Variants in NKAIN2 observed in about 807,000 individuals in gnomAD.
NKAIN2 encodes sodium/potassium transporting ATPase interacting 2, also known as sodium/potassium-transporting ATPase subunit beta-1-interacting protein 2.
In NKAIN2, 14 loss-of-function variants were observed where a neutral mutation model predicts 32.6. The ratio of observed to expected loss-of-function variants is 0.43; its 90% CI spans 0.28 to 0.67. NKAIN2 has a LOEUF of 0.67. NKAIN2 is among the 30% of genes least tolerant of loss of function. The probability of loss-of-function intolerance (pLI) is 0.17; values close to 1 mark genes in which losing one functional copy is unlikely to be tolerated. For missense variants in NKAIN2, 198 were observed against 258.3 expected (o/e 0.77, Z 1.60); for synonymous variants, 80 against 87.2 (o/e 0.92, Z 0.46).
At chr6:124,446,350 TTTG>T (rs1475527531) in intron 3 of NKAIN2, among the ~76,000 whole-genome samples, 1 of 151,944 alleles carries the variant, frequency 6.6e-6, no homozygotes, top group African/African-American at 2.4e-5. Flanking sequence ...TGTTTGTTTG[TTTG>T]TTTGTTTGAG....
chr6:123,831,305 A>G (rs1774367361), intron 1 of NKAIN2, among the ~76,000 whole-genome samples: 1 of 151,710 alleles, frequency 6.6e-6, no homozygotes. Context: ...ATGCATATTT[A>G]TGACATTTGA....
intron 3 of NKAIN2, among the ~76,000 whole-genome samples, chr6:124,444,422 A>G (rs1775808900): frequency 6.6e-6 from 1 of 152,014 alleles, no homozygotes; most frequent in Admixed American, 6.6e-5. Flanking sequence ...AGTAGCTCAA[A>G]ACCATTTTAA....
intron 5 of NKAIN2, among the ~76,000 whole-genome samples, chr6:124,807,521 C>T (rs1322376923): frequency 6.7e-6 from 1 of 149,302 alleles, no homozygotes; most frequent in Non-Finnish European, 1.5e-5. Flanking sequence ...GCACTAAATG[C>T]CCACAAGAGA....
intron 1 of NKAIN2, among the ~76,000 whole-genome samples, chr6:123,843,627 C>T (rs1449127006): frequency 2.6e-5 from 4 of 152,098 alleles, no homozygotes; most frequent in Non-Finnish European, 4.4e-5. Flanking sequence ...CCAGTGACCT[C>T]GCCCTCTTCT....
At chr6:123,996,427 G>A (rs980906942) in intron 1 of NKAIN2, among the ~76,000 whole-genome samples, 6 of 142,058 alleles carry the variant, frequency 4.2e-5, no homozygotes, top group South Asian at 4.4e-4. Context: ...CAAGAAAATA[G>A]TTTCCTTGAT....
At chr6:124,408,518 A>G (rs1469954503) in intron 3 of NKAIN2, among the ~76,000 whole-genome samples, 2 of 152,146 alleles carry the variant, frequency 1.3e-5, no homozygotes, top group South Asian at 2.1e-4. Context: ...GATATGCGGC[A>G]TTATTTCTGA....
intron 3 of NKAIN2, among the ~76,000 whole-genome samples, chr6:124,516,308 G>T (rs551999631): frequency 1.3e-5 from 2 of 152,030 alleles, no homozygotes; most frequent in African/African-American, 4.8e-5. Context: ...AAGAGATGAG[G>T]TTATTTGAGG....
intron 4 of NKAIN2, among the ~76,000 whole-genome samples, chr6:124,680,711 T>C (rs946110337): frequency 6.6e-6 from 1 of 152,066 alleles, no homozygotes; most frequent in African/African-American, 2.4e-5. Context: ...TTTTACTTCA[T>C]ACTCTCAATG....
At chr6:124,453,951 C>G (rs1440159291) in intron 3 of NKAIN2, among the ~76,000 whole-genome samples, 2 of 151,942 alleles carry the variant, frequency 1.3e-5, no homozygotes, top group African/African-American at 4.8e-5. Flanking sequence ...AACAGAATGA[C>G]AAAATAACTT....
intron 4 of NKAIN2, among the ~76,000 whole-genome samples, chr6:124,758,358 GCTCT>G (rs1178854264): frequency 6.6e-6 from 1 of 152,130 alleles, no homozygotes; most frequent in Non-Finnish European, 1.5e-5. Flanking sequence ...ATTTTAGAAA[GCTCT>G]CTTGCCCCTT....
chr6:123,961,121 C>G (rs1044380636), intron 1 of NKAIN2, among the ~76,000 whole-genome samples: 41 of 152,046 alleles, frequency 2.7e-4, no homozygotes, highest in African/African-American at 8.7e-4. Context: ...AACTGTTGCT[C>G]TCAGTGACTA....
intron 1 of NKAIN2, among the ~76,000 whole-genome samples, chr6:124,008,690 T>A (rs905810125): frequency 6.6e-6 from 1 of 152,176 alleles, no homozygotes; most frequent in African/African-American, 2.4e-5. Context: ...AAATGTTCAA[T>A]GACTAGAATA....
At position 124,193,555 on chromosome 6, in the gene NKAIN2, G is replaced by A. The variant is rs1036434318; in HGVS notation, c.55-89450G>A. ...CCTGGCTCTGGGAGCTCCTATGTCT[G>A]GCTCCCAGAAGGGCCGCAGCTCTTC... On this transcript the variant is annotated intron_variant, in intron 1 of 6. Transcript: ENST00000368417. Among the ~76,000 whole-genome samples the A allele has an allele frequency of 2.0e-5, 3 of 152,156 alleles. No individual in the cohort carries two copies. In the East Asian group the frequency reaches 5.8e-4, roughly 29 times the overall value.
At chr6:124,761,058 A>C (rs894255519) in intron 4 of NKAIN2, among the ~76,000 whole-genome samples, 1 of 152,182 alleles carries the variant, frequency 6.6e-6, no homozygotes, top group Non-Finnish European at 1.5e-5. Context: ...ATCATCAGTA[A>C]AGATACAAGG....
At chr6:124,477,201 A>T (rs1777253603) in intron 3 of NKAIN2, among the ~76,000 whole-genome samples, 1 of 152,202 alleles carries the variant, frequency 6.6e-6, no homozygotes, top group Non-Finnish European at 1.5e-5. Flanking sequence ...TATTGTGGGC[A>T]TAAGTCTTAG....
intron 3 of NKAIN2, among the ~76,000 whole-genome samples, chr6:124,410,321 G>C (rs983177837): frequency 2.6e-5 from 4 of 152,062 alleles, no homozygotes; most frequent in South Asian, 4.2e-4. Context: ...CCTTTCTCTT[G>C]TGGGCATTTA....
In NKAIN2 at chr6:124,799,849, C is replaced by T. The variant is rs549317728; in HGVS notation, c.535+8450C>T. On this transcript the variant is annotated intron_variant, in intron 5 of 6. Transcript: ENST00000368417. ...TTGATTTTGCTGACTCTGCTTCTTC[C>T]AGTGGTGCAGACCCCCACAGCCTAC... Among the ~76,000 whole-genome samples, 9 of 152,268 alleles carry T rather than the reference C, an allele frequency of 5.9e-5. No individual in the cohort carries two copies. The South Asian group carries it at 1.9e-3, about 32-fold the overall frequency.
At chr6:124,575,842 C>G (rs544949033) in intron 3 of NKAIN2, among the ~76,000 whole-genome samples, 1 of 152,208 alleles carries the variant, frequency 6.6e-6, no homozygotes, top group South Asian at 2.1e-4. Flanking sequence ...GTCCCTGAGA[C>G]CTATTTAGGA....
intron 5 of NKAIN2, among the ~76,000 whole-genome samples, chr6:124,800,315 G>A (rs1780192738): frequency 6.6e-6 from 1 of 152,148 alleles, no homozygotes; most frequent in African/African-American, 2.4e-5. Flanking sequence ...CACCAGGTTT[G>A]CGGAATGAAA....
Sources: allele counts gnomAD v4.1 joint callset (sites outside exome capture counted in the v4.1 genomes callset), GRCh38; gene constraint gnomAD v4.1.1; transcripts MANE v1.5; gene names NCBI Gene and HGNC (gene_info 2026-07-23, HGNC 2026-07-21).